RPGRIP1: variants seen among roughly 807,000 people sequenced by gnomAD.
RPGRIP1 encodes the protein RPGR interacting protein 1, also known as X-linked retinitis pigmentosa GTPase regulator-interacting protein 1.
A neutral mutation model predicts 157.9 loss-of-function variants in RPGRIP1; 128 were observed. The ratio of observed to expected loss-of-function variants is 0.81; its 90% confidence interval spans 0.70 to 0.94. RPGRIP1 has a LOEUF of 0.94. Ranked by LOEUF, RPGRIP1 falls within the 40% of genes least tolerant of loss-of-function variation. The pLI, the probability that RPGRIP1 is intolerant of heterozygous loss-of-function variation, is 0.00. For synonymous variants in RPGRIP1, 554 were observed against 571.6 expected, an observed-to-expected ratio of 0.97 and a Z score of 0.44; for missense variants, 1,486 against 1,545.8, an observed-to-expected ratio of 0.96 and a Z score of 0.65.
At chr14:21,342,559 A>AG (rs60287833) in intron 21 of RPGRIP1, among the ~76,000 whole-genome samples, 1 of 150,046 alleles carries the variant, frequency 6.7e-6, no homozygotes, top group Non-Finnish European at 1.5e-5. Context: ...AAAAAAAAAA[A>AG]GTTGAGAAAT....
At chr14:21,336,610 A>T (rs985348105) in intron 21 of RPGRIP1, among the ~76,000 whole-genome samples, 1 of 152,168 alleles carries the variant, frequency 6.6e-6, no homozygotes, top group Non-Finnish European at 1.5e-5. Flanking sequence ...TTTTTTAGAT[A>T]TTATGTAGTT....
chr14:21,340,084 G>A (rs140089147), intron 21 of RPGRIP1, among the ~76,000 whole-genome samples: 480 of 152,314 alleles, frequency 3.2e-3, no homozygotes, highest in African/African-American at 0.011. Context: ...CCCATGTACT[G>A]GGTAGACTGT....
intron 24 of RPGRIP1, among the ~76,000 whole-genome samples, chr14:21,349,391 ATTTC>A (rs1344379216): frequency 8.5e-5 from 10 of 117,066 alleles, no homozygotes; most frequent in African/African-American, 2.3e-4. Flanking sequence ...AATTACTATA[ATTTC>A]TTTCTTTTTT....
At position 21,281,699 on chromosome 14, in the gene RPGRIP1, A is replaced by AT. The variant is rs1340252709; in HGVS notation, c.-39+1540_-39+1541insT. Among the ~76,000 whole-genome samples, 66 of 108,426 alleles carry AT rather than the reference A, an allele frequency of 6.1e-4. 1 individual carries two copies. Among genetic ancestry groups the AT allele is most frequent in the African/African-American group, 2.1e-3 (62 of 29,170 alleles). 71.1% of individuals were successfully genotyped at this position (108,426 alleles called of 152,430 possible). A position where few individuals can be genotyped will look rare whatever the true frequency, so the allele number is the denominator to read the frequency against. ...GTGAGACCTTGTCTCAAAAAAAAAA[A>AT]AAATAAATAATAATAATAATAATAA... On this transcript the variant is annotated intron_variant, in intron 1 of 24. Coordinates refer to ENST00000400017, the MANE Select transcript of RPGRIP1 (RefSeq NM_020366.4).
At chr14:21,288,703 G>A (rs1378112770) in intron 2 of RPGRIP1, among the ~76,000 whole-genome samples, 1 of 147,902 alleles carries the variant, frequency 6.8e-6, no homozygotes, top group Non-Finnish European at 1.5e-5. Flanking sequence ...TAGTACAGAT[G>A]GGGTTTCACC....
In RPGRIP1 at chr14:21,317,712, G is replaced by A. The variant is rs1242363274; in HGVS notation, c.1168G>A (p.Asp390Asn). ...CATTGCCAGCATGCTGGACAGCAGTGACAGCTCCAGTCAGCCCCACTGGAG... is the reference window on the plus strand; with the variant it reads ...CATTGCCAGCATGCTGGACAGCAGTAACAGCTCCAGTCAGCCCCACTGGAG... ...KLLESMLDSS[D>N]SSSQPHWSNE... is the part of the protein sequence containing the mutation. Residue 390 changes from aspartate to asparagine, a missense_variant, in exon 11 of 25, where the codon GAC becomes AAC. By Grantham distance (23) the Asp-to-Asn change is conservative. Transcript: ENST00000400017. 1.9e-6 allele frequency: 3 copies of A among 1,586,292 alleles called. No individual in the cohort carries two copies. The South Asian group carries it at 3.5e-5, about 18-fold the overall frequency.
intron 12 of RPGRIP1, among the ~76,000 whole-genome samples, 181 bp downstream of exon 12, chr14:21,320,358 CGGCTCACTGCA>C (rs1020359053): frequency 6.6e-6 from 1 of 151,934 alleles, no homozygotes; most frequent in African/African-American, 2.4e-5. Context: ...GGCGCGATCT[CGGCTCACTGCA>C]GGCTCCGCCC....
chr14:21,341,923 G>A (rs1205911084), intron 21 of RPGRIP1, among the ~76,000 whole-genome samples: 3 of 152,154 alleles, frequency 2.0e-5, no homozygotes, highest in East Asian at 1.9e-4. Context: ...GGTGGCGGGT[G>A]CCTGTAGTCC....
At chr14:21,299,936 T>A (rs888652291) in intron 3 of RPGRIP1, among the ~76,000 whole-genome samples, 1 of 152,078 alleles carries the variant, frequency 6.6e-6, no homozygotes, top group Non-Finnish European at 1.5e-5. Flanking sequence ...GAGAGGGAGA[T>A]CTCTTGTTAC....
chr14:21,334,868 C>T (rs889033475), intron 21 of RPGRIP1, among the ~76,000 whole-genome samples, 163 bp downstream of exon 21: 13 of 150,368 alleles, frequency 8.6e-5, no homozygotes, highest in African/African-American at 3.2e-4. Flanking sequence ...CATGGAGAAA[C>T]CCCATCTCTA....
rs147970485 is a variant in RPGRIP1 at position 21,310,385 on chromosome 14, G to T, written c.907-199G>T. Among the ~76,000 whole-genome samples, 739 of 152,204 alleles carry T rather than the reference G, an allele frequency of 4.9e-3. 5 individuals are homozygous for T. Among genetic ancestry groups the T allele is most frequent in the South Asian group, 0.034 (162 of 4,820 alleles). ...ACCCTTCATTCTTTTTTGAGAAATGGTGTGAATGATTGCAGTCACAGACTA... is the reference window on the plus strand; with the variant it reads ...ACCCTTCATTCTTTTTTGAGAAATGTTGTGAATGATTGCAGTCACAGACTA... On this transcript the variant is annotated intron_variant, in intron 7 of 24. Transcript: ENST00000400017.
At chr14:21,330,685 T>A (rs186560163) in intron 20 of RPGRIP1, among the ~76,000 whole-genome samples, 21 of 151,708 alleles carry the variant, frequency 1.4e-4, no homozygotes, top group African/African-American at 3.9e-4. Context: ...AAGAAAAAAA[T>A]ATATATTTTT....
At chr14:21,319,409 A>G (rs1341555942) in intron 11 of RPGRIP1, among the ~76,000 whole-genome samples, 5 of 152,176 alleles carry the variant, frequency 3.3e-5, no homozygotes. Flanking sequence ...TAAAAACACG[A>G]AAATTAGCCA....
intron 1 of RPGRIP1, among the ~76,000 whole-genome samples, chr14:21,281,647 C>G (rs1880127639): frequency 6.7e-6 from 1 of 148,766 alleles, no homozygotes. Flanking sequence ...CGAGAGCATA[C>G]CGCTGTACTC....
rs1357697375 is a variant in RPGRIP1 at position 21,288,043 on chromosome 14, G to T, written c.67G>T (p.Val23Leu). Residue 23 changes from valine (V) to leucine (L), a missense_variant, in exon 2 of 25, where the codon GTG (valine) becomes TTG (leucine). Val to Leu is a conservative substitution (Grantham distance 32, BLOSUM62 1). Coordinates refer to ENST00000400017, the MANE Select transcript of RPGRIP1 (RefSeq NM_020366.4). ...TAGAGACATAGATGCTATACCTCTG[G>T]TGCTACCAGCCTCAAAAGGTAACTT... ...PVRDIDAIPL[V>L]LPASKGKNMK... 1 of 1,612,074 alleles carries T rather than the reference G, an allele frequency of 6.2e-7. No homozygotes were observed. The highest frequency in any genetic ancestry group is 8.5e-7 in the Non-Finnish European group (1 of 1,178,392).
chr14:21,322,092 G>A (rs2139213121), intron 14 of RPGRIP1, 88 bp downstream of exon 14: 4 of 1,128,498 alleles, frequency 3.5e-6, no homozygotes, highest in Non-Finnish European at 5.1e-6. Context: ...CAAGAAGGGT[G>A]CCTCTCATAC....
chr14:21,326,576 G>A (rs1883135856), intron 17 of RPGRIP1, among the ~76,000 whole-genome samples: 1 of 151,954 alleles, frequency 6.6e-6, no homozygotes, highest in South Asian at 2.1e-4. Flanking sequence ...CTCCATGTTG[G>A]TCAGGCTGGT....
chr14:21,348,029 C>T, intron 23 of RPGRIP1, 143 bp from the exon 24 acceptor site: 3 of 649,738 alleles, frequency 4.6e-6, no homozygotes, highest in African/African-American at 3.8e-5. Flanking sequence ...GACTTTTTTG[C>T]TTATTGTCAT....
chr14:21,325,819 A>G lies in RPGRIP1; in HGVS notation c.2368-12A>G. 6.3e-7 allele frequency: 1 copy of G among 1,599,770 alleles called. No individual in the cohort carries two copies. Among genetic ancestry groups the G allele is most frequent in the South Asian group, 1.1e-5 (1 of 89,338 alleles). On this transcript the variant is annotated splice_polypyrimidine_tract_variant and intron_variant, in intron 16 of 24. Transcript: ENST00000400017. ...TGCCCTTTTCCTCAATCCATGACCA[A>G]CATCTTTCCAGTTCAGATCGGAGTC...
Sources: gnomAD v4.1 joint callset for allele counts (sites outside exome capture counted in the v4.1 genomes callset) on GRCh38, gnomAD v4.1.1 for gene constraint, MANE v1.5 for transcripts, NCBI Gene and HGNC (gene_info 2026-07-23, HGNC 2026-07-21) for gene names.